DCC: variants seen among roughly 807,000 people sequenced by gnomAD.
DCC encodes netrin receptor DCC.
DCC carries 58 observed loss-of-function variants against 172.5 expected under a neutral mutation model. The ratio of observed to expected loss-of-function variants is 0.34; its 90% CI spans 0.27 to 0.42. The LOEUF (loss-of-function observed/expected upper bound fraction) is 0.42. Among genes scored for constraint, DCC ranks in the 10% least tolerant of loss-of-function variants. DCC has a pLI of 1.00. For missense variants in DCC, 1,740 were observed against 1,791.0 expected, an observed-to-expected ratio of 0.97 and a Z score of 0.51; for synonymous variants, 709 against 644.5, an observed-to-expected ratio of 1.10 and a Z score of -1.52.
At chr18:53,359,646 G>T (rs1178380019) in intron 15 of DCC, among the ~76,000 whole-genome samples, 1 of 152,084 alleles carries the variant, frequency 6.6e-6, no homozygotes, top group South Asian at 2.1e-4. Flanking sequence ...TCTTCACAAT[G>T]TCTGCTCTAA....
At chr18:53,274,480 T>C (rs2056783554) in intron 12 of DCC, among the ~76,000 whole-genome samples, 1 of 152,290 alleles carries the variant, frequency 6.6e-6, no homozygotes, top group Admixed American at 6.5e-5. Flanking sequence ...GATTTCCAGG[T>C]ATGAAGTAAG....
intron 2 of DCC, among the ~76,000 whole-genome samples, chr18:52,855,120 G>A: frequency 6.6e-6 from 1 of 152,302 alleles, no homozygotes; most frequent in East Asian, 1.9e-4. Context: ...TGTGTGAATA[G>A]CCTAACCATC....
chr18:53,091,749 T>A (rs1021076141), intron 7 of DCC, among the ~76,000 whole-genome samples: 1 of 152,020 alleles, frequency 6.6e-6, no homozygotes, highest in Non-Finnish European at 1.5e-5. Flanking sequence ...AGGTTAGGAT[T>A]TCAACATCTG....
intron 12 of DCC, among the ~76,000 whole-genome samples, chr18:53,292,407 C>G (rs1335912736): frequency 6.6e-6 from 1 of 152,182 alleles, no homozygotes; most frequent in Non-Finnish European, 1.5e-5. Flanking sequence ...ACCACCTCAG[C>G]CAGGCATGGT....
intron 1 of DCC, among the ~76,000 whole-genome samples, chr18:52,424,878 AT>A (rs145866433): frequency 0.029 from 4,414 of 151,206 alleles, 202 homozygotes; most frequent in African/African-American, 0.1. Flanking sequence ...ATTTCTTTCT[AT>A]TTTTTTCCAT....
At position 53,423,065 on chromosome 18, in the gene DCC, C is replaced by T. The variant is rs182943600; in HGVS notation, c.3163+6909C>T. Among the ~76,000 whole-genome samples, 237 of 152,242 alleles carry T rather than the reference C, an allele frequency of 1.6e-3. 1 individual carries two copies. Among genetic ancestry groups the T allele is most frequent in the Admixed American group, 3.4e-3 (52 of 15,280 alleles). On this transcript the variant is annotated intron_variant, in intron 21 of 28. Transcript: ENST00000442544. ...CAAGTAGCTGCCTATGTCAACTTCT[C>T]AGCAGTTTTCATGTTTTAATAGGTA...
intron 5 of DCC, among the ~76,000 whole-genome samples, chr18:53,054,584 T>C (rs1044969890): frequency 1.3e-5 from 2 of 152,098 alleles, no homozygotes; most frequent in African/African-American, 4.8e-5. Context: ...AGTTTGATCC[T>C]AGGCTCCACA....
chr18:53,276,211 T>G (rs1302426879), intron 12 of DCC, among the ~76,000 whole-genome samples: 1 of 152,180 alleles, frequency 6.6e-6, no homozygotes, highest in South Asian at 2.1e-4. Flanking sequence ...CTATAACATA[T>G]AGCTTCACTC....
intron 5 of DCC, among the ~76,000 whole-genome samples, chr18:52,986,200 G>C (rs1355348375): frequency 6.6e-6 from 1 of 152,170 alleles, no homozygotes; most frequent in Admixed American, 6.5e-5. Flanking sequence ...AGGACTAGCA[G>C]TATGTTGGAA....
Position 52,412,959 on chromosome 18 carries a change from C to A in DCC, c.91+72081C>A, listed in dbSNP as rs951208101. ...CAGATTTAACTGAATAGGATTGTTACTATGCATTTATACACTGACAATTCA... is the reference window on the plus strand; with the variant it reads ...CAGATTTAACTGAATAGGATTGTTAATATGCATTTATACACTGACAATTCA... On this transcript the variant is annotated intron_variant, in intron 1 of 28. Transcript: ENST00000442544. Among the ~76,000 whole-genome samples the A allele has an allele frequency of 3.9e-5, 6 of 152,210 alleles. No individual in the cohort carries two copies. The East Asian group carries it at 9.7e-4, about 25-fold the overall frequency.
chr18:53,054,365 T>C (rs1411940871), intron 5 of DCC, among the ~76,000 whole-genome samples: 2 of 152,162 alleles, frequency 1.3e-5, no homozygotes, highest in East Asian at 1.9e-4. Flanking sequence ...TAAATATGTG[T>C]GTATATGTAG....
intron 1 of DCC, among the ~76,000 whole-genome samples, chr18:52,535,524 G>A (rs2032263741): frequency 6.6e-6 from 1 of 152,090 alleles, no homozygotes; most frequent in Non-Finnish European, 1.5e-5. Flanking sequence ...AAGCTTGTGG[G>A]CAGACATTTT....
At chr18:52,446,251 C>T (rs542760771) in intron 1 of DCC, among the ~76,000 whole-genome samples, 10 of 152,178 alleles carry the variant, frequency 6.6e-5, no homozygotes, top group African/African-American at 2.2e-4. Context: ...TCAAAATCTA[C>T]TTTGCCTGTA....
chr18:53,361,719 T>C (rs2057950068), intron 15 of DCC, among the ~76,000 whole-genome samples: 1 of 152,134 alleles, frequency 6.6e-6, no homozygotes, highest in Non-Finnish European at 1.5e-5. Flanking sequence ...TGTGGCAAGG[T>C]TTTTGCTTTC....
At position 52,770,416 on chromosome 18, in the gene DCC, A is replaced by G. The variant is rs977853000; in HGVS notation, c.412+18042A>G. 7.2e-5 allele frequency among the ~76,000 whole-genome samples: 11 copies of G among 152,338 alleles called. No homozygotes were observed. In the East Asian group the frequency reaches 7.7e-4, roughly 11 times the overall value. On this transcript the variant is annotated intron_variant, in intron 2 of 28. Transcript: ENST00000442544. The stretch of plus-strand genomic sequence containing the variant: ...TGTTTAGGTATCACTGCTAACTACT[A>G]TCGCATACCATGCCCTCAATGTCCT...
chr18:53,499,631 C>T, intron 27 of DCC, 121 bp downstream of exon 27: 1 of 846,746 alleles, frequency 1.2e-6, no homozygotes, highest in Non-Finnish European at 2.0e-6. Context: ...ATTACATGCC[C>T]AGTGTGCTCA....
In DCC at chr18:53,534,585, A is replaced by G. The variant is rs2046554278; in HGVS notation, c.*3932A>G. The G allele has an allele frequency of 1.3e-5, 2 of 152,198 alleles. No homozygotes were observed. Among genetic ancestry groups the G allele is most frequent in the African/African-American group, 4.8e-5 (2 of 41,458 alleles). 9.4% of individuals were successfully genotyped at this position (152,198 alleles called of 1,614,324 possible). A position where few individuals can be genotyped will look rare whatever the true frequency, so the allele number is the denominator to read the frequency against. On this transcript the variant is annotated 3_prime_UTR_variant, in exon 29 of 29. Transcript: ENST00000442544. ...AAATCACTTTAGTATTGTACAGAAA[A>G]GCTTTTTATTTGAGTCTAGTGTTTA...
chr18:53,389,030 TG>T (rs1356574404), intron 16 of DCC, among the ~76,000 whole-genome samples: 1 of 152,156 alleles, frequency 6.6e-6, no homozygotes, highest in African/African-American at 2.4e-5. Flanking sequence ...ACAATCCTTC[TG>T]CCTCAGCCTT....
Position 53,337,626 on chromosome 18 carries a change from G to A in DCC, c.2165-2087G>A, listed in dbSNP as rs1478456845. ...AGACTAATAATAGCTTTCCCTTTTT[G>A]CCCACAAAGGGCCATCTTTGGGGGA... On this transcript the variant is annotated intron_variant, in intron 14 of 28. Coordinates refer to ENST00000442544, the MANE Select transcript of DCC (RefSeq NM_005215.4). Among the ~76,000 whole-genome samples the A allele has an allele frequency of 2.0e-5, 3 of 151,788 alleles. No individual in the cohort carries two copies. The South Asian group carries it at 6.2e-4, about 31-fold the overall frequency.
Sources: gnomAD v4.1 joint callset for allele counts (sites outside exome capture counted in the v4.1 genomes callset) on GRCh38, gnomAD v4.1.1 for gene constraint, MANE v1.5 for transcripts, NCBI Gene and HGNC (gene_info 2026-07-23, HGNC 2026-07-21) for gene names.